KCNT2: variants seen among roughly 807,000 people sequenced by gnomAD.
KCNT2 encodes potassium sodium-activated channel subfamily T member 2, also known as potassium channel subfamily T member 2.
In KCNT2, 67 loss-of-function variants were observed where a neutral mutation model predicts 153.8. The observed-to-expected ratio is 0.44, with a 90% confidence interval of 0.36 to 0.53. The LOEUF is 0.53. KCNT2 is among the 20% of genes least tolerant of loss of function. The pLI is 0.00. For missense variants in KCNT2, 975 were observed against 1,354.8 expected (o/e 0.72, Z 4.40); for synonymous variants, 500 against 458.8 (o/e 1.09, Z -1.15).
intron 12 of KCNT2, among the ~76,000 whole-genome samples, chr1:196,403,410 G>T (rs1208892564): frequency 1.3e-5 from 2 of 151,564 alleles, no homozygotes; most frequent in African/African-American, 2.4e-5. Flanking sequence ...AAGGACAGAA[G>T]GATGTATAGG....
intron 1 of KCNT2, among the ~76,000 whole-genome samples, chr1:196,517,685 T>C (rs1652768274): frequency 6.6e-6 from 1 of 151,688 alleles, no homozygotes; most frequent in Admixed American, 6.6e-5. Context: ...ACTTGAAGAG[T>C]GTCTCTCTGA....
intron 1 of KCNT2, among the ~76,000 whole-genome samples, chr1:196,583,901 A>C (rs1662356292): frequency 6.6e-6 from 1 of 152,084 alleles, no homozygotes; most frequent in Non-Finnish European, 1.5e-5. Flanking sequence ...GAAGGTCTTG[A>C]TGATATGTAA....
At chr1:196,510,509 T>A (rs964879114) in intron 1 of KCNT2, among the ~76,000 whole-genome samples, 11 of 152,206 alleles carry the variant, frequency 7.2e-5, no homozygotes, top group African/African-American at 2.4e-4. Context: ...CTTAAACAGA[T>A]TATAAAATGT....
intron 20 of KCNT2, among the ~76,000 whole-genome samples, chr1:196,317,722 T>C (rs956872709): frequency 9.2e-5 from 14 of 151,728 alleles, no homozygotes; most frequent in Admixed American, 6.6e-5. Flanking sequence ...AATCATTCAA[T>C]GACGTTGAAG....
chr1:196,550,760 C>T (rs1173594432), intron 1 of KCNT2, among the ~76,000 whole-genome samples: 1 of 151,694 alleles, frequency 6.6e-6, no homozygotes, highest in African/African-American at 2.4e-5. Flanking sequence ...CTGTTTCCAC[C>T]AGGCAGATGC....
chr1:196,320,350 T>C (rs146374015), intron 19 of KCNT2, among the ~76,000 whole-genome samples: 103 of 151,984 alleles, frequency 6.8e-4, no homozygotes, highest in Admixed American at 1.6e-3. Flanking sequence ...CATTCAGGTA[T>C]ATGCAAAAGA....
chr1:196,397,688 C>A (rs1234346030), intron 13 of KCNT2, among the ~76,000 whole-genome samples: 3 of 151,414 alleles, frequency 2.0e-5, no homozygotes, highest in Non-Finnish European at 4.4e-5. Context: ...ATTTTCTTAT[C>A]ATTGCATCAA....
intron 21 of KCNT2, among the ~76,000 whole-genome samples, chr1:196,309,880 AAAG>A (rs532055686): frequency 6.6e-5 from 10 of 152,020 alleles, no homozygotes; most frequent in Middle Eastern, 3.4e-3. Flanking sequence ...GTAATTAAAA[AAAG>A]AAGATATAGT....
intron 14 of KCNT2, among the ~76,000 whole-genome samples, chr1:196,365,598 T>A (rs984148389): frequency 6.6e-6 from 1 of 152,210 alleles, no homozygotes; most frequent in African/African-American, 2.4e-5. Context: ...TGTTTGTTAA[T>A]GTCATTGTTC....
chr1:196,353,326 C>T (rs1292033031), intron 14 of KCNT2, among the ~76,000 whole-genome samples: 2 of 151,858 alleles, frequency 1.3e-5, no homozygotes, highest in African/African-American at 4.8e-5. Flanking sequence ...GGGGTGGATG[C>T]ATAACCACTG....
chr1:196,297,385 A>G (rs1045681239), intron 22 of KCNT2, among the ~76,000 whole-genome samples: 3 of 152,122 alleles, frequency 2.0e-5, no homozygotes, highest in Admixed American at 2.0e-4. Flanking sequence ...CAATAGACAC[A>G]TATGCAGCAG....
At chr1:196,546,644 T>A (rs565469518) in intron 1 of KCNT2, among the ~76,000 whole-genome samples, 1 of 151,982 alleles carries the variant, frequency 6.6e-6, no homozygotes, top group African/African-American at 2.4e-5. Flanking sequence ...TAATGAGTGA[T>A]GAAATCTCCC....
At chr1:196,555,027 T>C (rs1330181545) in intron 1 of KCNT2, among the ~76,000 whole-genome samples, 1 of 151,170 alleles carries the variant, frequency 6.6e-6, no homozygotes, top group African/African-American at 2.4e-5. Context: ...TCACAGATAG[T>C]ATCATACTGC....
chr1:196,525,353 T>A (rs1654030094), intron 1 of KCNT2, among the ~76,000 whole-genome samples: 1 of 152,006 alleles, frequency 6.6e-6, no homozygotes, highest in Non-Finnish European at 1.5e-5. Context: ...ACAGTGACAC[T>A]TTTTTTTGTA....
intron 8 of KCNT2, among the ~76,000 whole-genome samples, chr1:196,451,138 T>G (rs1318151859): frequency 6.9e-6 from 1 of 144,224 alleles, no homozygotes; most frequent in Admixed American, 7.0e-5. Context: ...TCTAGCAACC[T>G]AAAAGAAATT....
chr1:196,539,411 G>A (rs1402255063), intron 1 of KCNT2, among the ~76,000 whole-genome samples: 1 of 152,072 alleles, frequency 6.6e-6, no homozygotes, highest in Non-Finnish European at 1.5e-5. Context: ...TATGATGTTT[G>A]AGTATAGATT....
At chr1:196,531,197 A>G (rs1654893979) in intron 1 of KCNT2, among the ~76,000 whole-genome samples, 1 of 151,974 alleles carries the variant, frequency 6.6e-6, no homozygotes, top group Admixed American at 6.6e-5. Context: ...ATTTTCTTCA[A>G]CTCAACTGAG....
intron 17 of KCNT2, among the ~76,000 whole-genome samples, chr1:196,333,602 T>C (rs922769193): frequency 6.6e-6 from 1 of 152,062 alleles, no homozygotes; most frequent in African/African-American, 2.4e-5. Flanking sequence ...AAAAGATAAT[T>C]AAGAGCAAAA....
chr1:196,311,152 A>C (rs1662138107), intron 21 of KCNT2, among the ~76,000 whole-genome samples: 1 of 151,864 alleles, frequency 6.6e-6, no homozygotes, highest in African/African-American at 2.4e-5. Context: ...ACAATTCTAC[A>C]TATTTTCCCC....
Sources: allele counts gnomAD v4.1 joint callset (sites outside exome capture counted in the v4.1 genomes callset), GRCh38; gene constraint gnomAD v4.1.1; transcripts MANE v1.5; gene names NCBI Gene and HGNC (gene_info 2026-07-23, HGNC 2026-07-21).